Variants in STT3B observed in about 807,000 individuals in gnomAD.
STT3B encodes STT3 oligosaccharyltransferase complex catalytic subunit B.
Under a neutral mutation model 96.8 loss-of-function variants are expected in STT3B, and 29 were observed. That is an observed-to-expected ratio of 0.30 (90% CI 0.22 to 0.41). The LOEUF is 0.41. Among genes scored for constraint, STT3B ranks in the 10% least tolerant of loss-of-function variants. The pLI is 1.00. For missense variants in STT3B, 640 were observed against 1,022.3 expected (o/e 0.63, Z 5.10); for synonymous variants, 367 against 360.0 (o/e 1.02, Z -0.22).
chr3:31,580,663 C>G (rs1370802755), intron 3 of STT3B, among the ~76,000 whole-genome samples: 1 of 151,916 alleles, frequency 6.6e-6, no homozygotes, highest in Admixed American at 6.6e-5. Flanking sequence ...TTTTAGGTAG[C>G]TAGGTGAATG....
At chr3:31,575,758 C>T (rs747404153) in intron 1 of STT3B, among the ~76,000 whole-genome samples, 11 of 151,988 alleles carry the variant, frequency 7.2e-5, no homozygotes, top group Non-Finnish European at 1.5e-4. Flanking sequence ...TACCTAATGG[C>T]ATTACCCTGA....
intron 9 of STT3B, 97 bp downstream of exon 9, chr3:31,619,927 A>G (rs765811566): frequency 4.0e-6 from 6 of 1,515,068 alleles, no homozygotes; most frequent in South Asian, 3.8e-5. Flanking sequence ...GTTTGACTCT[A>G]TATATTCAAG....
At chr3:31,587,907 C>T (rs1170817673) in intron 3 of STT3B, among the ~76,000 whole-genome samples, 1 of 152,148 alleles carries the variant, frequency 6.6e-6, no homozygotes, top group East Asian at 1.9e-4. Context: ...TTTTTCATGA[C>T]TACTTGGTAG....
At chr3:31,626,301 T>C (rs1439734488) in intron 13 of STT3B, among the ~76,000 whole-genome samples, 174 bp downstream of exon 13, 1 of 152,212 alleles carries the variant, frequency 6.6e-6, no homozygotes, top group Non-Finnish European at 1.5e-5. Context: ...ATTAAAACTT[T>C]TTGAAGTCAA....
At position 31,578,829 on chromosome 3, in the gene STT3B, AAAT is replaced by A. The variant is rs533192495; in HGVS notation, c.424-977_424-975del. 5.1e-5 allele frequency among the ~76,000 whole-genome samples: 7 copies of A among 137,550 alleles called. No individual in the cohort carries two copies. In the South Asian group the frequency reaches 1.5e-3, roughly 29 times the overall value. 90.2% of individuals were successfully genotyped at this position (137,550 alleles called of 152,430 possible). ...GGCAGTTAATAAATAGAAAGTAAATAAATAAAATAAATAGTACGTCAAATGATG... is the reference window on the plus strand; with the variant it reads ...GGCAGTTAATAAATAGAAAGTAAATAAAAATAAATAGTACGTCAAATGATG... On this transcript the variant is annotated intron_variant, in intron 2 of 15. Coordinates refer to ENST00000295770, the MANE Select transcript of STT3B (RefSeq NM_178862.3).
intron 12 of STT3B, among the ~76,000 whole-genome samples, chr3:31,625,564 A>G (rs1699517660): frequency 6.6e-6 from 1 of 152,224 alleles, no homozygotes; most frequent in Non-Finnish European, 1.5e-5. Flanking sequence ...TATTTGTATT[A>G]CTGTTGTAGC....
intron 5 of STT3B, among the ~76,000 whole-genome samples, chr3:31,612,137 G>A (rs1699196551): frequency 6.6e-6 from 1 of 152,124 alleles, no homozygotes; most frequent in East Asian, 1.9e-4. Context: ...TTACCAGTTT[G>A]GGTATGCTCA....
intron 1 of STT3B, among the ~76,000 whole-genome samples, chr3:31,550,884 A>C (rs574938373): frequency 6.7e-4 from 102 of 152,216 alleles, no homozygotes; most frequent in African/African-American, 2.3e-3. Context: ...TGGCAGGAGC[A>C]ATAAAAGGTA....
chr3:31,596,348 G>A (rs557698510), intron 3 of STT3B, among the ~76,000 whole-genome samples: 3 of 152,016 alleles, frequency 2.0e-5, no homozygotes, highest in Non-Finnish European at 4.4e-5. Flanking sequence ...GGCAAACTTG[G>A]AAGGTTTTCA....
chr3:31,635,912 C>T (rs1365238187), intron 15 of STT3B, 72 bp from the exon 16 acceptor site: 15 of 1,114,938 alleles, frequency 1.3e-5, no homozygotes, highest in Non-Finnish European at 2.0e-5. Flanking sequence ...TTCAGTAAAC[C>T]ATGTGTGTGT....
intron 1 of STT3B, among the ~76,000 whole-genome samples, chr3:31,563,146 A>C (rs1697922246): frequency 6.6e-6 from 1 of 151,960 alleles, no homozygotes; most frequent in African/African-American, 2.4e-5. Flanking sequence ...TACTCTCTTG[A>C]ATTTCATTGT....
At chr3:31,537,988 A>C (rs964875640) in intron 1 of STT3B, among the ~76,000 whole-genome samples, 2 of 152,220 alleles carry the variant, frequency 1.3e-5, no homozygotes, top group Non-Finnish European at 2.9e-5. Context: ...TTTAAAACTT[A>C]ATGATCTTAG....
chr3:31,556,782 C>CAT (rs1277489844), intron 1 of STT3B, among the ~76,000 whole-genome samples: 3 of 152,112 alleles, frequency 2.0e-5, no homozygotes, highest in Non-Finnish European at 4.4e-5. Flanking sequence ...CTAGGTTCTG[C>CAT]ATATTAGTCC....
chr3:31,623,999 G>C, intron 11 of STT3B, 138 bp downstream of exon 11: 1 of 715,088 alleles, frequency 1.4e-6, no homozygotes, highest in East Asian at 2.7e-5. Flanking sequence ...TTTAATTTTG[G>C]TAGGTACACA....
intron 15 of STT3B, among the ~76,000 whole-genome samples, chr3:31,634,448 CATA>C (rs965770414): frequency 1.3e-5 from 2 of 152,280 alleles, no homozygotes; most frequent in Admixed American, 6.5e-5. Flanking sequence ...ATAAATAAAA[CATA>C]ATCTGTCTTG....
chr3:31,602,243 CA>C (rs1380519741), intron 5 of STT3B, among the ~76,000 whole-genome samples: 3 of 151,898 alleles, frequency 2.0e-5, no homozygotes, highest in Non-Finnish European at 4.4e-5. Context: ...TTCTCTACCC[CA>C]AAAACACTAT....
At chr3:31,626,442 C>T (rs1559392369) in intron 13 of STT3B, among the ~76,000 whole-genome samples, 2 of 152,118 alleles carry the variant, frequency 1.3e-5, no homozygotes, top group African/African-American at 2.4e-5. Flanking sequence ...AGTACTTACC[C>T]TTATGCTTGT....
chr3:31,610,973 G>T (rs1027813905), intron 5 of STT3B, among the ~76,000 whole-genome samples: 1 of 152,154 alleles, frequency 6.6e-6, no homozygotes, highest in Non-Finnish European at 1.5e-5. Flanking sequence ...TTTCCTTAGA[G>T]CTCACCACTT....
intron 10 of STT3B, 133 bp from the exon 11 acceptor site, chr3:31,623,541 C>A: frequency 1.5e-6 from 1 of 670,970 alleles, no homozygotes; most frequent in South Asian, 2.4e-5. Context: ...ATAAGAATAT[C>A]TGATGGTTAT....
Sources: gnomAD v4.1 joint callset for allele counts (sites outside exome capture counted in the v4.1 genomes callset) on GRCh38, gnomAD v4.1.1 for gene constraint, MANE v1.5 for transcripts, NCBI Gene and HGNC (gene_info 2026-07-23, HGNC 2026-07-21) for gene names.